The following UBE2E2 variants were observed in gnomAD, a reference collection of about 807,000 sequenced individuals.
UBE2E2 encodes the protein ubiquitin conjugating enzyme E2 E2.
In UBE2E2, 6 loss-of-function variants were observed where a neutral mutation model predicts 24.7. The ratio of observed to expected loss-of-function variants is 0.24; its 90% CI spans 0.13 to 0.48. The LOEUF is 0.48. UBE2E2 is among the 20% of genes least tolerant of loss of function. UBE2E2 has a pLI of 0.99. For synonymous variants in UBE2E2, 104 were observed against 83.6 expected (o/e 1.24, Z -1.33); for missense variants, 169 against 245.0 (o/e 0.69, Z 2.07).
chr3:23,454,122 T>A (rs1267682196), intron 3 of UBE2E2, among the ~76,000 whole-genome samples: 1 of 152,202 alleles, frequency 6.6e-6, no homozygotes, highest in Non-Finnish European at 1.5e-5. Context: ...TTTACCTTTG[T>A]CAGTTTTGTT....
intron 3 of UBE2E2, among the ~76,000 whole-genome samples, chr3:23,377,419 A>G (rs1414038664): frequency 6.6e-6 from 1 of 152,214 alleles, no homozygotes; most frequent in Non-Finnish European, 1.5e-5. Context: ...CATTTTCACA[A>G]TAAGGTTGGT....
chr3:23,513,197 G>C (rs36082634), intron 4 of UBE2E2, among the ~76,000 whole-genome samples: 9,570 of 151,590 alleles, frequency 0.063, 471 homozygotes, highest in Non-Finnish European at 0.088. Flanking sequence ...GTAGTGATTT[G>C]CTTTTAAAAC....
intron 3 of UBE2E2, among the ~76,000 whole-genome samples, chr3:23,372,344 A>T (rs1696418633): frequency 1.3e-5 from 2 of 152,080 alleles, no homozygotes; most frequent in Non-Finnish European, 1.5e-5. Flanking sequence ...AATATTCTTT[A>T]AAGTGATACC....
chr3:23,530,718 C>T (rs919318781), intron 4 of UBE2E2, among the ~76,000 whole-genome samples: 1 of 152,134 alleles, frequency 6.6e-6, no homozygotes, highest in Non-Finnish European at 1.5e-5. Context: ...AAAGACTAGC[C>T]ATTCGAGTTT....
intron 3 of UBE2E2, among the ~76,000 whole-genome samples, chr3:23,396,303 T>TA (rs1553608066): frequency 0.012 from 1,566 of 128,026 alleles, 20 homozygotes; most frequent in Middle Eastern, 0.02. Context: ...CATTTATTTT[T>TA]TATATATATA....
intron 3 of UBE2E2, among the ~76,000 whole-genome samples, chr3:23,270,077 C>A (rs999296495): frequency 1.1e-4 from 16 of 151,996 alleles, no homozygotes; most frequent in Non-Finnish European, 4.4e-5. Context: ...GCTACCACCC[C>A]AGCAGCAATG....
intron 3 of UBE2E2, among the ~76,000 whole-genome samples, chr3:23,298,260 CT>C (rs1292064070): frequency 6.6e-6 from 1 of 152,076 alleles, no homozygotes; most frequent in Non-Finnish European, 1.5e-5. Context: ...TCCTCTTTTC[CT>C]AATTGAATGC....
intron 3 of UBE2E2, among the ~76,000 whole-genome samples, chr3:23,466,113 A>T (rs1698913579): frequency 6.6e-6 from 1 of 152,224 alleles, no homozygotes; most frequent in Non-Finnish European, 1.5e-5. Context: ...CAATATAAAC[A>T]TTTTTAAAAA....
At chr3:23,444,298 C>T (rs1486738266) in intron 3 of UBE2E2, among the ~76,000 whole-genome samples, 3 of 152,100 alleles carry the variant, frequency 2.0e-5, no homozygotes, top group African/African-American at 7.2e-5. Context: ...GTCTTTGCTT[C>T]TTGTGGTGGT....
intron 3 of UBE2E2, among the ~76,000 whole-genome samples, chr3:23,326,782 T>C (rs2125295948): frequency 6.6e-6 from 1 of 152,340 alleles, no homozygotes; most frequent in Non-Finnish European, 1.5e-5. Context: ...CATTAACTCG[T>C]CATTTACATT....
intron 3 of UBE2E2, among the ~76,000 whole-genome samples, chr3:23,313,228 C>T (rs945613185): frequency 2.0e-5 from 3 of 152,066 alleles, no homozygotes; most frequent in Non-Finnish European, 2.9e-5. Context: ...TCGTTTCTTA[C>T]AGTTTTTGTC....
At position 23,306,093 on chromosome 3, in the gene UBE2E2, G is replaced by A. The variant is rs193277343; in HGVS notation, c.227+88781G>A. Among the ~76,000 whole-genome samples the A allele has an allele frequency of 7.2e-4, 109 of 152,290 alleles. No homozygotes were observed. In the East Asian group the frequency reaches 0.016, roughly 23 times the overall value. ...TAAAAAAGGAAGAGACTGAAAAAGT[G>A]TTTAAGAAAACATTTACTAGCAACC... On this transcript the variant is annotated intron_variant, in intron 3 of 5. Transcript: ENST00000396703.
chr3:23,229,463 G>A (rs1305227986), intron 3 of UBE2E2, among the ~76,000 whole-genome samples: 2 of 152,066 alleles, frequency 1.3e-5, no homozygotes, highest in African/African-American at 2.4e-5. Context: ...TTCCCCCTGA[G>A]TCCCCAAAGT....
chr3:23,268,714 T>C (rs1322857135), intron 3 of UBE2E2, among the ~76,000 whole-genome samples: 5 of 149,672 alleles, frequency 3.3e-5, no homozygotes, highest in South Asian at 2.2e-4. Flanking sequence ...TTAAAGTTCA[T>C]ATGGAACCAA....
At chr3:23,321,154 T>C (rs780873159) in intron 3 of UBE2E2, among the ~76,000 whole-genome samples, 2 of 152,234 alleles carry the variant, frequency 1.3e-5, no homozygotes, top group Non-Finnish European at 2.9e-5. Context: ...TTCGCCCCTA[T>C]ATGTGTATGC....
At chr3:23,309,361 A>G (rs1400874651) in intron 3 of UBE2E2, among the ~76,000 whole-genome samples, 1 of 152,212 alleles carries the variant, frequency 6.6e-6, no homozygotes, top group Non-Finnish European at 1.5e-5. Context: ...TTCACATAAC[A>G]TAGTTACAAT....
chr3:23,345,385 A>T (rs1461098023), intron 3 of UBE2E2, among the ~76,000 whole-genome samples: 1 of 152,198 alleles, frequency 6.6e-6, no homozygotes, highest in African/African-American at 2.4e-5. Context: ...AGTTTTCAAT[A>T]TAATAGATTC....
intron 3 of UBE2E2, among the ~76,000 whole-genome samples, chr3:23,295,563 T>C (rs937349154): frequency 2.0e-5 from 3 of 152,170 alleles, no homozygotes; most frequent in African/African-American, 7.2e-5. Context: ...TCAGATCTTC[T>C]AGTGAGCCAA....
At chr3:23,400,483 G>T (rs1197258259) in intron 3 of UBE2E2, among the ~76,000 whole-genome samples, 1 of 151,980 alleles carries the variant, frequency 6.6e-6, no homozygotes, top group Non-Finnish European at 1.5e-5. Context: ...CCCATTTAAT[G>T]TATTGATGAG....
Sources: allele counts gnomAD v4.1 joint callset (sites outside exome capture counted in the v4.1 genomes callset), GRCh38; gene constraint gnomAD v4.1.1; transcripts MANE v1.5; gene names NCBI Gene and HGNC (gene_info 2026-07-23, HGNC 2026-07-21).